Variants in RNF216 observed in about 807,000 individuals in gnomAD.
RNF216 encodes ring finger protein 216.
In RNF216, 72 loss-of-function variants were observed where a neutral mutation model predicts 110.8. The observed-to-expected ratio is 0.65, with a 90% CI of 0.54 to 0.79. RNF216 has a LOEUF of 0.79. Among genes scored for constraint, RNF216 ranks in the 30% least tolerant of loss-of-function variants. The pLI, the probability that RNF216 is intolerant of heterozygous loss-of-function variation, is 0.00. For synonymous variants in RNF216, 495 were observed against 407.5 expected, an observed-to-expected ratio of 1.21 and a Z score of -2.59; for missense variants, 1,342 against 1,141.2, an observed-to-expected ratio of 1.18 and a Z score of -2.54.
At chr7:5,648,175 C>T (rs182611363) in intron 14 of RNF216, among the ~76,000 whole-genome samples, 68 of 151,520 alleles carry the variant, frequency 4.5e-4, no homozygotes, top group Middle Eastern at 6.8e-3. Flanking sequence ...GGCGTGATCT[C>T]GGCTCACCAT....
At chr7:5,768,160 A>C (rs1050906745) in intron 1 of RNF216, among the ~76,000 whole-genome samples, 3 of 151,920 alleles carry the variant, frequency 2.0e-5, no homozygotes, top group African/African-American at 7.3e-5. Context: ...CTTTGATTAA[A>C]AAAAAAATTA....
At chr7:5,702,535 A>G (rs1562407075) in intron 13 of RNF216, among the ~76,000 whole-genome samples, 2 of 152,172 alleles carry the variant, frequency 1.3e-5, no homozygotes, top group Non-Finnish European at 2.9e-5. Flanking sequence ...CAGGGTGGGA[A>G]GGGAGGCAAG....
intron 1 of RNF216, among the ~76,000 whole-genome samples, chr7:5,774,372 A>G (rs752269843): frequency 2.0e-5 from 3 of 152,236 alleles, no homozygotes; most frequent in Non-Finnish European, 4.4e-5. Flanking sequence ...CAGGAGTTCA[A>G]TGCTGCAAGT....
chr7:5,725,949 C>T (rs1425525494), intron 7 of RNF216, among the ~76,000 whole-genome samples: 8 of 151,432 alleles, frequency 5.3e-5, no homozygotes, highest in South Asian at 4.2e-4. Flanking sequence ...GGAAGCAAAA[C>T]ACTTACTGAC....
At position 5,721,153 on chromosome 7, in the gene RNF216, C is replaced by T. The variant is rs1793399871; in HGVS notation, c.1524G>A (p.Lys508=). 1 of 1,613,902 alleles carries T rather than the reference C, an allele frequency of 6.2e-7. No individual in the cohort carries two copies. The highest frequency in any genetic ancestry group is 1.3e-5 in the African/African-American group (1 of 74,912). The change falls in exon 9 of 17, where the codon AAG becomes AAA. Residue 508 remains lysine (K), a synonymous_variant. Coordinates refer to ENST00000389902, the MANE Select transcript of RNF216 (RefSeq NM_207111.4). The part of the protein sequence containing the change: ...KFEQGDIKIE[K]RMFFLENKRR... The stretch of plus-strand genomic sequence containing the variant: ...GCTTATTTTCAAGAAAGAACATCCT[C>T]TTTTCTATTTTTATGTCACCTAGAA...
chr7:5,696,702 C>T lies in RNF216; in HGVS notation c.2061+15059G>A, dbSNP rs908236191. 2.6e-5 allele frequency among the ~76,000 whole-genome samples: 4 copies of T among 152,182 alleles called. No individual in the cohort carries two copies. Among genetic ancestry groups the T allele is most frequent in the Non-Finnish European group, 5.9e-5 (4 of 68,030 alleles). ...CCAACCTGCCCTTAGAACCAGGTTC[C>T]TTCAGGCCAAATCCCACCTAGGTCT... On this transcript the variant is annotated intron_variant, in intron 13 of 16. Coordinates refer to ENST00000389902, the MANE Select transcript of RNF216 (RefSeq NM_207111.4). This position sits in a 1 kb window ranked among gnomAD's most constrained non-coding sequence, Gnocchi z 5.4.
In RNF216 at chr7:5,739,329, T is replaced by A. The variant is rs761732700; in HGVS notation, c.1068A>T (p.Ala356=). ...GAATTATTTCCTCAATAAACCCATTTGCTACATCTGGAAATCTTGCTTCCT... is the reference window on the plus strand; with the variant it reads ...GAATTATTTCCTCAATAAACCCATTAGCTACATCTGGAAATCTTGCTTCCT... ...KETEARFPDV[A]NGFIEEIIHF... The change falls in exon 5 of 17, where the codon GCA becomes GCT. Residue 356 remains alanine, a synonymous_variant. Transcript: ENST00000389902. 1 of 1,599,086 alleles carries A rather than the reference T, an allele frequency of 6.3e-7. No homozygotes were observed. The highest frequency in any genetic ancestry group is 1.1e-5 in the South Asian group (1 of 87,430).
chr7:5,725,172 T>C lies in RNF216; in HGVS notation c.1504+152A>G, dbSNP rs111578857. Reference sequence around the variant, plus strand: ...TGCAGCCACTTCCTAAAAATTTTGATGTGCTGAGAAAATAGTTCCTGTCAG... The same window carrying C: ...TGCAGCCACTTCCTAAAAATTTTGACGTGCTGAGAAAATAGTTCCTGTCAG... On this transcript the variant is annotated intron_variant, in intron 8 of 16. Transcript: ENST00000389902. 2.4e-3 allele frequency: 1,178 copies of C among 499,256 alleles called. 13 individuals carry two copies. Among genetic ancestry groups the C allele is most frequent in the African/African-American group, 0.02 (1,045 of 51,330 alleles). The allele number at this position is 499,256 out of a possible 1,614,324, so 30.9% of individuals were successfully genotyped here. A position where few individuals can be genotyped will look rare whatever the true frequency, so the allele number is the denominator to read the frequency against.
chr7:5,669,542 G>C (rs973106190), intron 13 of RNF216, among the ~76,000 whole-genome samples: 7 of 152,164 alleles, frequency 4.6e-5, no homozygotes, highest in Non-Finnish European at 7.4e-5. Context: ...GTCTGTTCAT[G>C]CTTCTAAATC....
At chr7:5,653,191 T>C (rs74392896) in intron 13 of RNF216, among the ~76,000 whole-genome samples, 2 of 152,248 alleles carry the variant, frequency 1.3e-5, no homozygotes, top group East Asian at 3.9e-4. Flanking sequence ...AAAGTTTCAC[T>C]TCATATATAA....
intron 13 of RNF216, among the ~76,000 whole-genome samples, chr7:5,675,236 C>T (rs1790205234): frequency 1.3e-5 from 2 of 152,166 alleles, no homozygotes; most frequent in Non-Finnish European, 2.9e-5. Context: ...CAGACATCAC[C>T]TCATTCAATT....
chr7:5,689,885 G>C (rs902642311), intron 13 of RNF216, among the ~76,000 whole-genome samples: 5 of 150,294 alleles, frequency 3.3e-5, no homozygotes, highest in African/African-American at 1.2e-4. Flanking sequence ...GGGTTGCAGT[G>C]AGCCAAGATT....
intron 15 of RNF216, among the ~76,000 whole-genome samples, chr7:5,636,536 GGTTA>G (rs1315449513): frequency 6.6e-6 from 1 of 152,166 alleles, no homozygotes; most frequent in Non-Finnish European, 1.5e-5. Flanking sequence ...TGGCCCTGCT[GGTTA>G]ATTAAGCCAG....
intron 13 of RNF216, among the ~76,000 whole-genome samples, chr7:5,671,824 A>AAAAAAAAAAAAAAAAAAC (rs1789936278): frequency 6.6e-6 from 1 of 150,864 alleles, no homozygotes. Flanking sequence ...AAAAAAAAAA[A>AAAAAAAAAAAAAAAAAAC]AAAAAGGACA....
chr7:5,682,847 C>A (rs1423656965), intron 13 of RNF216, among the ~76,000 whole-genome samples: 1 of 152,096 alleles, frequency 6.6e-6, no homozygotes, highest in Non-Finnish European at 1.5e-5. Context: ...CTCTAGGGAT[C>A]TATTCTAAGG....
In RNF216 at chr7:5,712,730, G is replaced by A. The variant is rs1792791392; in HGVS notation, c.1967C>T (p.Ala656Val). Residue 656 changes from alanine (A) to valine (V), a missense_variant, in exon 12 of 17, where the codon GCC (alanine) becomes GTC (valine). Coordinates refer to ENST00000389902, the MANE Select transcript of RNF216 (RefSeq NM_207111.4). ...GAGAACGAACCTGACAAGCTCGTCG[G>A]CGTAGGCTGCCGCAACCTCCTCCTC... ...KAEEEVAAAY[A>V]DELVRCPSCS... 1 of 1,614,100 alleles carries A rather than the reference G, an allele frequency of 6.2e-7. No individual in the cohort carries two copies. The highest frequency in any genetic ancestry group is 8.5e-7 in the Non-Finnish European group (1 of 1,180,000).
intron 5 of RNF216, among the ~76,000 whole-genome samples, chr7:5,731,107 A>C (rs1442958516): frequency 6.6e-6 from 1 of 152,230 alleles, no homozygotes; most frequent in Non-Finnish European, 1.5e-5. Context: ...AAGTCACTGA[A>C]ACTATTATTG....
chr7:5,691,015 C>T (rs927744762), intron 13 of RNF216, among the ~76,000 whole-genome samples: 3 of 152,242 alleles, frequency 2.0e-5, no homozygotes, highest in African/African-American at 7.2e-5. Context: ...ACACCCCCTG[C>T]AGCACCTTTT....
At position 5,755,239 on chromosome 7, in the gene RNF216, A is replaced by AAAGG. The variant is rs58341461; in HGVS notation, c.68-2264_68-2261dup. ...AAAGGAAGGAAGGGAGGGAAGGATG[A>AAAGG]AAGGAAGGAAGGAAGGAAGGAAGGA... On this transcript the variant is annotated intron_variant, in intron 2 of 16. Transcript: ENST00000389902. 4.7e-3 allele frequency among the ~76,000 whole-genome samples: 685 copies of AAAGG among 145,714 alleles called. 5 individuals carry two copies. Among genetic ancestry groups the AAAGG allele is most frequent in the African/African-American group, 0.016 (644 of 39,318 alleles).
Sources: gnomAD v4.1 joint callset for allele counts (sites outside exome capture counted in the v4.1 genomes callset) on GRCh38, gnomAD v4.1.1 for gene constraint, Gnocchi (gnomAD v3.1) non-coding constraint, MANE v1.5 for transcripts, NCBI Gene and HGNC (gene_info 2026-07-23, HGNC 2026-07-21) for gene names.